Variants in RAPGEF2 observed in about 807,000 individuals in gnomAD.
RAPGEF2 encodes the protein PDZ domain containing guanine nucleotide exchange factor (GEF) 1.
A neutral mutation model predicts 186.7 loss-of-function variants in RAPGEF2; 54 were observed. The ratio of observed to expected loss-of-function variants is 0.29; its 90% CI spans 0.23 to 0.36. RAPGEF2 has a LOEUF of 0.36. Among genes scored for constraint, RAPGEF2 ranks in the 10% least tolerant of loss-of-function variants. RAPGEF2 has a pLI of 1.00. For synonymous variants in RAPGEF2, 712 were observed against 705.9 expected (o/e 1.01, Z -0.14); for missense variants, 1,532 against 2,045.0 (o/e 0.75, Z 4.84).
At chr4:159,161,308 A>C (rs1744680147) in intron 1 of RAPGEF2, among the ~76,000 whole-genome samples, 1 of 152,254 alleles carries the variant, frequency 6.6e-6, no homozygotes, top group African/African-American at 2.4e-5. Flanking sequence ...GTTTGGAGGT[A>C]GTTTCTTTAT....
chr4:159,304,603 TTAA>T (rs1763061264), intron 8 of RAPGEF2, 130 bp downstream of exon 8: 1 of 807,986 alleles, frequency 1.2e-6, no homozygotes, highest in Admixed American at 3.3e-5. Flanking sequence ...ACATAAAATA[TTAA>T]TGTTTATTTC....
intron 7 of RAPGEF2, among the ~76,000 whole-genome samples, chr4:159,260,729 A>G (rs1407038014): frequency 1.3e-5 from 2 of 152,146 alleles, no homozygotes; most frequent in Non-Finnish European, 2.9e-5. Flanking sequence ...AACAGTTATT[A>G]TTTATTAGAG....
At chr4:159,232,210 T>C (rs1362365978) in intron 4 of RAPGEF2, among the ~76,000 whole-genome samples, 1 of 152,240 alleles carries the variant, frequency 6.6e-6, no homozygotes, top group Non-Finnish European at 1.5e-5. Context: ...CACACTGTTG[T>C]GCCACTAGTG....
intron 4 of RAPGEF2, among the ~76,000 whole-genome samples, chr4:159,228,734 T>G (rs1266945172): frequency 6.6e-6 from 1 of 152,212 alleles, no homozygotes; most frequent in Non-Finnish European, 1.5e-5. Flanking sequence ...ACATGTAAAT[T>G]ATATATGTAC....
At position 159,331,523 on chromosome 4, in the gene RAPGEF2, C is replaced by G. The variant is rs1361959596; in HGVS notation, c.1560C>G (p.Asn520Lys). 1 of 1,612,368 alleles carries G rather than the reference C, an allele frequency of 6.2e-7. No homozygotes were observed. Among genetic ancestry groups the G allele is most frequent in the Non-Finnish European group, 8.5e-7 (1 of 1,178,744 alleles). ...CTCGATTTTTAGAAGAATTTGAAAA[C>G]AATCTGGAAAGAGAGGTAATATTTG... Reference protein sequence around the residue: ...AMTRFLEEFENNLEREKMGGH... With the variant: ...AMTRFLEEFEKNLEREKMGGH... The change falls in exon 14 of 30, where the codon AAC becomes AAG. Residue 520 changes from asparagine (N) to lysine (K), a missense_variant. This residue lies in a region of RAPGEF2 where 810 missense variants were observed against 1,210.5 expected (regional missense o/e 0.67). Coordinates refer to ENST00000691494, the MANE Select transcript of RAPGEF2 (RefSeq NM_001394067.2).
At chr4:159,164,236 C>T (rs1450535077) in intron 1 of RAPGEF2, among the ~76,000 whole-genome samples, 5 of 151,180 alleles carry the variant, frequency 3.3e-5, no homozygotes, top group African/African-American at 1.2e-4. Flanking sequence ...GATGTCCTGA[C>T]CTTGTGATCC....
At chr4:159,160,513 A>G (rs892418412) in intron 1 of RAPGEF2, among the ~76,000 whole-genome samples, 1 of 152,246 alleles carries the variant, frequency 6.6e-6, no homozygotes, top group African/African-American at 2.4e-5. Flanking sequence ...GACTATGGCT[A>G]GAAAGTGTTT....
chr4:159,178,719 G>A (rs919890903), intron 1 of RAPGEF2, among the ~76,000 whole-genome samples: 6 of 151,850 alleles, frequency 4.0e-5, no homozygotes, highest in South Asian at 2.1e-4. Flanking sequence ...TACCACGCCC[G>A]GCTAGTTTTT....
intron 3 of RAPGEF2, among the ~76,000 whole-genome samples, chr4:159,208,145 G>A (rs894880582): frequency 5.3e-5 from 8 of 152,020 alleles, no homozygotes; most frequent in Non-Finnish European, 1.0e-4. Context: ...GACTTGGGGG[G>A]AAAGATGTTC....
chr4:159,322,288 T>G (rs973324351), intron 9 of RAPGEF2, 59 bp from the exon 10 acceptor site: 4 of 1,525,242 alleles, frequency 2.6e-6, no homozygotes, highest in Non-Finnish European at 3.6e-6. Context: ...ACATTCTTTT[T>G]GAATACTTGT....
rs1490768390 is a variant in RAPGEF2 at position 159,179,077 on chromosome 4, G to GA, written c.70-7559dup. ...TCTACTTTCAAGTAGCATCTATTTTGAAAAAAGGATGTCCTTCCTAGGGTA... is the reference window on the plus strand; with the variant it reads ...TCTACTTTCAAGTAGCATCTATTTTGAAAAAAAGGATGTCCTTCCTAGGGTA... On this transcript the variant is annotated intron_variant, in intron 1 of 29. Transcript: ENST00000691494. 2.0e-5 allele frequency among the ~76,000 whole-genome samples: 3 copies of GA among 151,992 alleles called. No homozygotes were observed. In the East Asian group the frequency reaches 5.8e-4, roughly 29 times the overall value.
At chr4:159,186,052 C>G (rs1373820775) in intron 1 of RAPGEF2, among the ~76,000 whole-genome samples, 2 of 151,786 alleles carry the variant, frequency 1.3e-5, no homozygotes, top group Non-Finnish European at 2.9e-5. Context: ...TTCTTCTGAA[C>G]TTTCATAAAT....
rs763219445 is a variant in RAPGEF2, at chr4:159,346,844, T to A, written c.3558T>A (p.Ala1186=). Residue 1186 remains alanine (A), a synonymous_variant, in exon 25 of 30, where the codon GCT becomes GCA. Coordinates refer to ENST00000691494, the MANE Select transcript of RAPGEF2 (RefSeq NM_001394067.2). ...KPVKSETSPV[A]PRAGSQQKAQ... ...TCAAATCCGAGACCTCTCCAGTAGC[T>A]CCAAGGGCAGGGTCACAACAGAAAG... The A allele has an allele frequency of 7.4e-6, 12 of 1,614,042 alleles. No individual in the cohort carries two copies. Among genetic ancestry groups the A allele is most frequent in the Middle Eastern group, 1.6e-4 (1 of 6,062 alleles).
chr4:159,333,800 A>G (rs1006713827), intron 17 of RAPGEF2, among the ~76,000 whole-genome samples: 5 of 152,242 alleles, frequency 3.3e-5, no homozygotes, highest in Non-Finnish European at 5.9e-5. Context: ...TAATAACTTT[A>G]AAACATATAA....
chr4:159,206,928 AT>A (rs1750051458), intron 3 of RAPGEF2, among the ~76,000 whole-genome samples: 1 of 152,152 alleles, frequency 6.6e-6, no homozygotes, highest in South Asian at 2.1e-4. Context: ...TGTTTTTTGT[AT>A]TCTTACATTT....
At chr4:159,238,215 C>T (rs910244543) in intron 4 of RAPGEF2, among the ~76,000 whole-genome samples, 1 of 152,118 alleles carries the variant, frequency 6.6e-6, no homozygotes, top group Non-Finnish European at 1.5e-5. Context: ...TGTGTTCACT[C>T]GTGCAGAGTT....
At position 159,219,347 on chromosome 4, in the gene RAPGEF2, C is replaced by CTT. The variant is rs70962664; in HGVS notation, c.281+8789_281+8790dup. ...CAAGGGATAGTGTCCCAACTGTATC[C>CTT]TTTTTTTTTTTTTTTTTTTTTTTTT... On this transcript the variant is annotated intron_variant, in intron 4 of 29. Coordinates refer to ENST00000691494, the MANE Select transcript of RAPGEF2 (RefSeq NM_001394067.2). Among the ~76,000 whole-genome samples, 219 of 81,412 alleles carry CTT rather than the reference C, an allele frequency of 2.7e-3. 25 individuals are homozygous for CTT. The highest frequency in any genetic ancestry group is 6.2e-3 in the African/African-American group (110 of 17,780). 53.4% of individuals were successfully genotyped at this position (81,412 alleles called of 152,430 possible).
chr4:159,171,110 C>T (rs964876293), intron 1 of RAPGEF2, among the ~76,000 whole-genome samples: 7 of 152,064 alleles, frequency 4.6e-5, no homozygotes, highest in African/African-American at 1.7e-4. Flanking sequence ...TACTTTAAGA[C>T]CAGACATTAT....
intron 8 of RAPGEF2, among the ~76,000 whole-genome samples, chr4:159,307,034 C>T (rs1213156892): frequency 6.6e-6 from 1 of 152,138 alleles, no homozygotes; most frequent in African/African-American, 2.4e-5. Context: ...GAAATATACA[C>T]AAATATCCTT....
Sources: gnomAD v4.1 joint callset for allele counts (sites outside exome capture counted in the v4.1 genomes callset) on GRCh38, gnomAD v4.1.1 for gene constraint, gnomAD v4.1.1 regional missense constraint, MANE v1.5 for transcripts, NCBI Gene and HGNC (gene_info 2026-07-23, HGNC 2026-07-21) for gene names.